The following TMCO6 variants were observed in gnomAD, a reference collection of about 807,000 sequenced individuals.
The protein encoded by TMCO6 is transmembrane and coiled-coil domains 6.
In TMCO6, 47 loss-of-function variants were observed where a neutral mutation model predicts 61.8. That is an observed-to-expected ratio of 0.76 (90% CI 0.60 to 0.97). The LOEUF (loss-of-function observed/expected upper bound fraction) is 0.97. Ranked by LOEUF, TMCO6 falls within the 50% of genes least tolerant of loss-of-function variation. TMCO6 has a pLI of 0.00. For missense variants in TMCO6, 557 were observed against 601.6 expected (o/e 0.93, Z 0.78); for synonymous variants, 261 against 254.2 (o/e 1.03, Z -0.25).
At chr5:140,627,524 C>T in the TMCO6 span, among the ~76,000 whole-genome samples, 1 of 152,066 alleles carries the variant, frequency 6.6e-6, no homozygotes, top group South Asian at 2.1e-4. Context: ...GTCTTTATTT[C>T]CCAAGGATTA....
the TMCO6 span, among the ~76,000 whole-genome samples, chr5:140,600,141 T>C: frequency 1.3e-5 from 2 of 152,156 alleles, no homozygotes; most frequent in African/African-American, 4.8e-5. Flanking sequence ...CAAAATGTTA[T>C]GGGTATTTTA....
the TMCO6 span, among the ~76,000 whole-genome samples, chr5:140,623,521 C>A: frequency 6.6e-6 from 1 of 152,144 alleles, no homozygotes; most frequent in Admixed American, 6.6e-5. Context: ...TCATCCTGAA[C>A]CCCATCGGTC....
the TMCO6 span, among the ~76,000 whole-genome samples, chr5:140,605,692 A>AACACACACAC: frequency 5.1e-5 from 6 of 118,582 alleles, no homozygotes; most frequent in Admixed American, 9.0e-5. Flanking sequence ...AAAAAAACAA[A>AACACACACAC]ACACACACAC....
chr5:140,618,355 G>A, the TMCO6 span, among the ~76,000 whole-genome samples: 1 of 152,050 alleles, frequency 6.6e-6, no homozygotes, highest in African/African-American at 2.4e-5. Flanking sequence ...TCTGAACCTG[G>A]GAGGTGGAGG....
At chr5:140,631,839 T>C in the TMCO6 span, 5 of 1,524,500 alleles carry the variant, frequency 3.3e-6, no homozygotes, top group African/African-American at 1.4e-5. Flanking sequence ...AGTCCATTCA[T>C]TATTCTGTCT....
the TMCO6 span, among the ~76,000 whole-genome samples, chr5:140,598,166 C>A: frequency 1.1e-4 from 16 of 152,118 alleles, no homozygotes; most frequent in East Asian, 2.7e-3. Flanking sequence ...TTATCCCCTC[C>A]CCCATTTTAC....
the TMCO6 span, chr5:140,631,591 T>C: frequency 2.7e-6 from 1 of 368,462 alleles, no homozygotes; most frequent in Non-Finnish European, 4.9e-6. Flanking sequence ...ATCCCCGCAG[T>C]TCTTTTCTTG....
upstream of TMCO6, among the ~76,000 whole-genome samples, chr5:140,636,599 G>C (rs529584742): frequency 6.6e-6 from 1 of 152,196 alleles, no homozygotes; most frequent in Admixed American, 6.5e-5. Flanking sequence ...TCAAGATCCA[G>C]GCCCTATCCC....
upstream of TMCO6, chr5:140,639,237 G>A: frequency 2.6e-6 from 1 of 379,746 alleles, no homozygotes; most frequent in Non-Finnish European, 4.9e-6. Flanking sequence ...CTCGAGGTCA[G>A]GGATGAGAGA....
chr5:140,642,818 T>C (rs1757123938), intron 6 of TMCO6, 107 bp from the exon 7 acceptor site: 1 of 1,599,306 alleles, frequency 6.3e-7, no homozygotes, highest in African/African-American at 1.3e-5. Flanking sequence ...CACTTTCCCA[T>C]CTGGGCAGGG....
At chr5:140,633,124 T>C in the TMCO6 span, 1 of 1,612,308 alleles carries the variant, frequency 6.2e-7, no homozygotes, top group Non-Finnish European at 8.5e-7. Context: ...GGAAGTGCTT[T>C]AGCTTCTTTC....
At chr5:140,627,498 A>T in the TMCO6 span, among the ~76,000 whole-genome samples, 1 of 152,216 alleles carries the variant, frequency 6.6e-6, no homozygotes, top group Admixed American at 6.5e-5. Context: ...TTATTTTACC[A>T]ATAATCTTTA....
chr5:140,629,933 CA>C, the TMCO6 span, among the ~76,000 whole-genome samples: 44,842 of 107,348 alleles, frequency 0.42, 7,483 homozygotes, highest in African/African-American at 0.52. Flanking sequence ...AACTCTGCCT[CA>C]AAAAAAAAAA....
chr5:140,608,972 T>C, the TMCO6 span: 2 of 152,252 alleles, frequency 1.3e-5, no homozygotes, highest in Non-Finnish European at 2.9e-5. Flanking sequence ...TTGTTTTATC[T>C]ATTCTGCACC....
chr5:140,642,205 A>G lies in TMCO6; in HGVS notation c.499-110A>G, dbSNP rs1757081902. On this transcript the variant is annotated intron_variant, in intron 4 of 11. Coordinates refer to ENST00000394671, the MANE Select transcript of TMCO6 (RefSeq NM_018502.5). Reference sequence around the variant, plus strand: ...CCCATCATCTCCCCACCCTCTTGTGAGCCGCAAGGATAGCTGCTCCAGCGT... The same window carrying G: ...CCCATCATCTCCCCACCCTCTTGTGGGCCGCAAGGATAGCTGCTCCAGCGT... The G allele has an allele frequency of 2.9e-6, 4 of 1,385,506 alleles. No homozygotes were observed. The East Asian group carries it at 9.4e-5, about 32-fold the overall frequency. 85.8% of individuals were successfully genotyped at this position (1,385,506 alleles called of 1,614,324 possible). A position where few individuals can be genotyped will look rare whatever the true frequency, so the allele number is the denominator to read the frequency against.
the TMCO6 span, among the ~76,000 whole-genome samples, chr5:140,619,226 C>T: frequency 6.6e-6 from 1 of 152,144 alleles, no homozygotes. Context: ...TGAAAAAGTG[C>T]TCTACATGAT....
At chr5:140,604,549 T>C in the TMCO6 span, among the ~76,000 whole-genome samples, 392 of 152,136 alleles carry the variant, frequency 2.6e-3, no homozygotes, top group African/African-American at 9.1e-3. Context: ...GATAGTGTCC[T>C]TTGATGCACC....
At chr5:140,632,531 G>A in the TMCO6 span, 1 of 1,614,172 alleles carries the variant, frequency 6.2e-7, no homozygotes, top group Non-Finnish European at 8.5e-7. The surrounding 1 kb of genome is among the most constrained non-coding windows in gnomAD (Gnocchi z 6.2). Context: ...CCCACGACAC[G>A]TTGCGTAGGC....
upstream of TMCO6, chr5:140,638,934 T>C (rs1006303152): frequency 6.5e-6 from 1 of 153,516 alleles, no homozygotes; most frequent in African/African-American, 2.4e-5. Flanking sequence ...CCGGACCACC[T>C]TGGGCACATG....
Sources: gnomAD v4.1 joint callset for allele counts (sites outside exome capture counted in the v4.1 genomes callset) on GRCh38, gnomAD v4.1.1 for gene constraint, Gnocchi (gnomAD v3.1) non-coding constraint, MANE v1.5 for transcripts, NCBI Gene and HGNC (gene_info 2026-07-23, HGNC 2026-07-21) for gene names.